The following BICRAL variants were observed in gnomAD, a reference collection of about 807,000 sequenced individuals.
The protein encoded by BICRAL is BICRA like chromatin remodeling complex associated protein, also known as BRD4-interacting chromatin-remodeling complex-associated protein-like.
Under a neutral mutation model 91.8 loss-of-function variants are expected in BICRAL, and 8 were observed. The ratio of observed to expected loss-of-function variants is 0.09; its 90% CI spans 0.05 to 0.16. The LOEUF is 0.16. Among genes scored for constraint, BICRAL ranks in the 10% least tolerant of loss-of-function variants. BICRAL has a pLI of 1.00. For synonymous variants in BICRAL, 445 were observed against 491.1 expected (o/e 0.91, Z 1.24); for missense variants, 1,038 against 1,310.9 (o/e 0.79, Z 3.21).
chr6:42,826,071 G>A (rs1308668453), intron 5 of BICRAL, among the ~76,000 whole-genome samples: 1 of 151,828 alleles, frequency 6.6e-6, no homozygotes, highest in Non-Finnish European at 1.5e-5. Context: ...GTGACACAGT[G>A]AGACTCTTGT....
At position 42,840,975 on chromosome 6, in the gene BICRAL, C is replaced by G. The variant is rs985043704; in HGVS notation, c.1839+10803C>G. Among the ~76,000 whole-genome samples the G allele has an allele frequency of 1.2e-4, 18 of 148,346 alleles. No homozygotes were observed. The Admixed American group carries it at 1.2e-3, about 10-fold the overall frequency. ...TGTATAATACCACCTACTCAGGAGG[C>G]TGAGGCACAAGATAGCTTTAACCCA... On this transcript the variant is annotated intron_variant, in intron 6 of 12. Transcript: ENST00000314073.
At chr6:42,851,179 C>T (rs769310138) in intron 6 of BICRAL, among the ~76,000 whole-genome samples, 1 of 151,714 alleles carries the variant, frequency 6.6e-6, no homozygotes, top group African/African-American at 2.4e-5. Context: ...AGAGAGACTC[C>T]GTCTCAAAAA....
intron 1 of BICRAL, among the ~76,000 whole-genome samples, chr6:42,758,714 A>G (rs898825776): frequency 7.3e-6 from 1 of 136,196 alleles, no homozygotes; most frequent in Middle Eastern, 3.3e-3. Flanking sequence ...GGGGGGTCCA[A>G]AAAAAAAAAA....
chr6:42,866,713 G>C lies in BICRAL; in HGVS notation c.*1267G>C. The C allele has an allele frequency of 2.3e-6, 1 of 431,752 alleles. No homozygotes were observed. The highest frequency in any genetic ancestry group is 4.7e-6 in the Non-Finnish European group (1 of 214,726). 26.7% of individuals were successfully genotyped at this position (431,752 alleles called of 1,614,324 possible). A position where few individuals can be genotyped will look rare whatever the true frequency, so the allele number is the denominator to read the frequency against. ...ATATGCCCTGTCATGGTTTCTGTTT[G>C]GCCTGTGTTCATATTAGTGAGCATG... On this transcript the variant is annotated 3_prime_UTR_variant, in exon 13 of 13. Coordinates refer to ENST00000314073, the MANE Select transcript of BICRAL (RefSeq NM_001393499.1).
intron 1 of BICRAL, among the ~76,000 whole-genome samples, chr6:42,774,700 AAG>A (rs928093503): frequency 1.3e-5 from 2 of 152,154 alleles, no homozygotes; most frequent in Admixed American, 1.3e-4. Flanking sequence ...TAGTAATTGG[AAG>A]ATTTAGGAAA....
intron 2 of BICRAL, among the ~76,000 whole-genome samples, chr6:42,818,073 C>T (rs576566693): frequency 6.6e-6 from 1 of 151,338 alleles, no homozygotes; most frequent in African/African-American, 2.4e-5. Context: ...TTTTGAAAGA[C>T]ATTGCTAAAT....
chr6:42,811,806 C>T (rs183847012), intron 2 of BICRAL, among the ~76,000 whole-genome samples: 1 of 152,090 alleles, frequency 6.6e-6, no homozygotes, highest in Non-Finnish European at 1.5e-5. Flanking sequence ...TCACATAGGG[C>T]AGAGAATAGT....
chr6:42,839,499 A>C (rs969994452), intron 6 of BICRAL, among the ~76,000 whole-genome samples: 2 of 151,876 alleles, frequency 1.3e-5, no homozygotes, highest in Non-Finnish European at 2.9e-5. Flanking sequence ...TTTTAAACAC[A>C]AAGTAGACAA....
intron 5 of BICRAL, among the ~76,000 whole-genome samples, chr6:42,823,866 G>A (rs1764214233): frequency 6.6e-6 from 1 of 151,988 alleles, no homozygotes; most frequent in South Asian, 2.1e-4. Context: ...AAAGGATGCA[G>A]TGAGCCGAGA....
intron 2 of BICRAL, among the ~76,000 whole-genome samples, chr6:42,812,589 T>C (rs1044110490): frequency 6.6e-6 from 1 of 152,040 alleles, no homozygotes; most frequent in Non-Finnish European, 1.5e-5. Context: ...AAGACCCAAA[T>C]TGAACTTCTG....
intron 1 of BICRAL, among the ~76,000 whole-genome samples, chr6:42,800,742 G>A (rs6906866): frequency 0.46 from 70,257 of 151,782 alleles, 17,574 homozygotes; most frequent in African/African-American, 0.66. Context: ...ATTTGAGTCT[G>A]TCTTTATAAA....
chr6:42,822,655 A>G (rs1764174372), intron 3 of BICRAL, 141 bp from the exon 4 acceptor site: 1 of 537,744 alleles, frequency 1.9e-6, no homozygotes, highest in Non-Finnish European at 3.3e-6. Flanking sequence ...AAAAAAAAAA[A>G]ACCTACTAAT....
intron 1 of BICRAL, among the ~76,000 whole-genome samples, chr6:42,802,641 G>C (rs1023675562): frequency 6.6e-6 from 1 of 152,046 alleles, no homozygotes. Context: ...GTAGAGACAG[G>C]GTTTCACCAT....
chr6:42,797,044 CAAAAAAAAAAA>C (rs1192829085), intron 1 of BICRAL, among the ~76,000 whole-genome samples: 1 of 44,296 alleles, frequency 2.3e-5, no homozygotes, highest in African/African-American at 8.9e-5. Flanking sequence ...AACTCTGTCT[CAAAAAAAAAAA>C]AAAAAAAAAA....
At chr6:42,791,369 A>T (rs566808783) in intron 1 of BICRAL, among the ~76,000 whole-genome samples, 3 of 152,306 alleles carry the variant, frequency 2.0e-5, no homozygotes, top group African/African-American at 7.2e-5. Flanking sequence ...TTGCAAACAC[A>T]TTAAACACTT....
At chr6:42,836,910 G>A (rs1447602824) in intron 6 of BICRAL, among the ~76,000 whole-genome samples, 1 of 150,198 alleles carries the variant, frequency 6.7e-6, no homozygotes, top group South Asian at 2.1e-4. Context: ...GTGAGACACT[G>A]TGCCTGGTCC....
chr6:42,856,518 G>T (rs1765360134), intron 9 of BICRAL, among the ~76,000 whole-genome samples: 1 of 151,212 alleles, frequency 6.6e-6, no homozygotes, highest in Non-Finnish European at 1.5e-5. Context: ...GGGATTATAG[G>T]CACCCGCCAT....
intron 2 of BICRAL, among the ~76,000 whole-genome samples, chr6:42,811,003 T>C (rs945919956): frequency 3.3e-5 from 5 of 152,208 alleles, no homozygotes; most frequent in African/African-American, 1.2e-4. Context: ...TCTCTGCCGA[T>C]GAACTCATAT....
intron 6 of BICRAL, among the ~76,000 whole-genome samples, chr6:42,843,706 A>G (rs916176208): frequency 1.3e-5 from 2 of 152,090 alleles, no homozygotes; most frequent in Non-Finnish European, 2.9e-5. Context: ...AGGTACCTGT[A>G]GGACAGCCAA....
Sources: allele counts gnomAD v4.1 joint callset (sites outside exome capture counted in the v4.1 genomes callset), GRCh38; gene constraint gnomAD v4.1.1; transcripts MANE v1.5; gene names NCBI Gene and HGNC (gene_info 2026-07-23, HGNC 2026-07-21).